MAN2B2: variants seen among roughly 807,000 people sequenced by gnomAD.
MAN2B2 encodes epididymis-specific alpha-mannosidase.
In MAN2B2, 106 loss-of-function variants were observed where a neutral mutation model predicts 117.1. That is an observed-to-expected ratio of 0.90 (90% CI 0.77 to 1.06). MAN2B2 has a LOEUF of 1.06. Ranked by LOEUF, MAN2B2 falls within the 50% of genes least tolerant of loss-of-function variation. The probability of loss-of-function intolerance (pLI) is 0.00; values close to 1 mark genes in which losing one functional copy is unlikely to be tolerated. For missense variants in MAN2B2, 1,326 were observed against 1,381.4 expected, an observed-to-expected ratio of 0.96 and a Z score of 0.64; for synonymous variants, 544 against 595.1, an observed-to-expected ratio of 0.91 and a Z score of 1.25.
chr4:6,607,290 A>G (rs978215843), intron 11 of MAN2B2, among the ~76,000 whole-genome samples: 3 of 152,060 alleles, frequency 2.0e-5, no homozygotes, highest in African/African-American at 7.2e-5. Context: ...TGCAGCCTCA[A>G]CCTCCTCTGG....
intron 4 of MAN2B2, among the ~76,000 whole-genome samples, chr4:6,587,750 GTT>G (rs201846526): frequency 4.4e-5 from 5 of 113,464 alleles, no homozygotes; most frequent in African/African-American, 1.5e-4. Context: ...TTGGGTTGTT[GTT>G]TTTTTTTTTT....
intron 5 of MAN2B2, among the ~76,000 whole-genome samples, chr4:6,589,833 A>T (rs1726787047): frequency 6.6e-6 from 1 of 151,626 alleles, no homozygotes; most frequent in African/African-American, 2.4e-5. Context: ...TAATCCCAGC[A>T]CTTTGGGAGG....
intron 15 of MAN2B2, among the ~76,000 whole-genome samples, chr4:6,612,075 C>T (rs574043359): frequency 3.6e-4 from 55 of 152,366 alleles, no homozygotes; most frequent in African/African-American, 1.3e-3. Flanking sequence ...TTTTTCTACT[C>T]ACCTATGGAG....
At chr4:6,615,375 C>A (rs1711813605) in intron 16 of MAN2B2, among the ~76,000 whole-genome samples, 1 of 152,194 alleles carries the variant, frequency 6.6e-6, no homozygotes, top group African/African-American at 2.4e-5. Context: ...GACTTTGGAG[C>A]TGGAACTCCT....
chr4:6,614,143 T>C (rs1711733838), intron 15 of MAN2B2, 75 bp from the exon 16 acceptor site: 2 of 1,551,782 alleles, frequency 1.3e-6, no homozygotes, highest in Non-Finnish European at 1.8e-6. Flanking sequence ...GGGCATGTAA[T>C]GTGCAGAGCT....
intron 16 of MAN2B2, among the ~76,000 whole-genome samples, chr4:6,615,481 T>C (rs1040375802): frequency 6.6e-6 from 1 of 152,052 alleles, no homozygotes; most frequent in Non-Finnish European, 1.5e-5. Context: ...GAAAACCAGC[T>C]ACCCCATAGC....
Position 6,611,080 on chromosome 4 carries a change from C to A in MAN2B2, c.2371-6C>A. 1 of 1,612,452 alleles carries A rather than the reference C, an allele frequency of 6.2e-7. No homozygotes were observed. The highest frequency in any genetic ancestry group is 8.5e-7 in the Non-Finnish European group (1 of 1,178,788). ...GCCGGGCCTCTCGGACAATGCCTTC[C>A]CGCAGGTCATGCTCCACCGGCGGCT... On this transcript the variant is annotated splice_region_variant and splice_polypyrimidine_tract_variant and intron_variant, in intron 14 of 18. Transcript: ENST00000285599.
At chr4:6,601,561 T>TAGAAGCA (rs1727332223) in intron 10 of MAN2B2, among the ~76,000 whole-genome samples, 1 of 123,696 alleles carries the variant, frequency 8.1e-6, no homozygotes, top group African/African-American at 2.6e-5. Context: ...ACTGGTGAGG[T>TAGAAGCA]GGAAGCAGGG....
intron 7 of MAN2B2, among the ~76,000 whole-genome samples, chr4:6,595,253 G>A (rs1727035051): frequency 6.6e-6 from 1 of 152,212 alleles, no homozygotes; most frequent in Non-Finnish European, 1.5e-5. Context: ...CTGCCTGTGT[G>A]CAAGTCATGA....
At chr4:6,611,392 A>G in intron 15 of MAN2B2, 114 bp downstream of exon 15, 1 of 1,099,422 alleles carries the variant, frequency 9.1e-7, no homozygotes, top group South Asian at 1.6e-5. Context: ...TTGGGCAGGA[A>G]GCGACCTCAG....
intron 7 of MAN2B2, among the ~76,000 whole-genome samples, chr4:6,596,216 G>GTGTGGGTGGGCGTGGTGTC (rs1224448588): frequency 6.6e-6 from 1 of 152,072 alleles, no homozygotes; most frequent in Non-Finnish European, 1.5e-5. Context: ...ATCCAGGCGG[G>GTGTGGGTGGGCGTGGTGTC]CATGGTATCG....
At chr4:6,606,480 T>TC (rs1295525683) in intron 11 of MAN2B2, among the ~76,000 whole-genome samples, 2 of 152,184 alleles carry the variant, frequency 1.3e-5, no homozygotes, top group Non-Finnish European at 2.9e-5. Context: ...CCCTGTCCGT[T>TC]CCTCACTCAG....
intron 3 of MAN2B2, among the ~76,000 whole-genome samples, chr4:6,584,201 T>C (rs1254211650): frequency 1.3e-5 from 2 of 152,222 alleles, no homozygotes; most frequent in Admixed American, 6.5e-5. Flanking sequence ...CTCATGCTTG[T>C]CTAACTACCT....
chr4:6,609,522 C>A (rs1334244096), intron 12 of MAN2B2: 3 of 628,556 alleles, frequency 4.8e-6, no homozygotes, highest in East Asian at 5.5e-5. Flanking sequence ...GGGAGAGAGA[C>A]CCACAGACCC....
chr4:6,577,423 G>T (rs115762287), intron 2 of MAN2B2, among the ~76,000 whole-genome samples: 3 of 152,190 alleles, frequency 2.0e-5, no homozygotes, highest in African/African-American at 7.2e-5. Context: ...TAAAGTTCAG[G>T]GACGCCAAGT....
In MAN2B2 at chr4:6,604,384, A is replaced by G. The variant is rs1445617094; in HGVS notation, c.1540-671A>G. On this transcript the variant is annotated intron_variant, in intron 10 of 18. Coordinates refer to ENST00000285599, the MANE Select transcript of MAN2B2 (RefSeq NM_015274.3). ...GGCCACAGCAGCTGTGACCAGGCAGAGGCCACAGGGAAGGGAGATGAAAGG... is the reference window on the plus strand; with the variant it reads ...GGCCACAGCAGCTGTGACCAGGCAGGGGCCACAGGGAAGGGAGATGAAAGG... 2.1e-5 allele frequency among the ~76,000 whole-genome samples: 3 copies of G among 143,202 alleles called. No individual in the cohort carries two copies. The East Asian group carries it at 6.4e-4, about 31-fold the overall frequency. The allele number at this position is 143,202 out of a possible 152,430, so 93.9% of individuals were successfully genotyped here. A position where few individuals can be genotyped will look rare whatever the true frequency, so the allele number is the denominator to read the frequency against.
At chr4:6,612,258 A>G (rs1711605141) in intron 15 of MAN2B2, among the ~76,000 whole-genome samples, 1 of 151,686 alleles carries the variant, frequency 6.6e-6, no homozygotes. Context: ...CGGACCCAGG[A>G]GAGTTTTCCT....
chr4:6,593,397 C>A, intron 6 of MAN2B2, 47 bp downstream of exon 6: 1 of 1,561,152 alleles, frequency 6.4e-7, no homozygotes, highest in Non-Finnish European at 8.7e-7. Flanking sequence ...GCCCAAGGAG[C>A]ACTATGCAAG....
At chr4:6,575,591 C>T (rs1206328667) in intron 1 of MAN2B2, among the ~76,000 whole-genome samples, 1 of 152,198 alleles carries the variant, frequency 6.6e-6, no homozygotes, top group Non-Finnish European at 1.5e-5. Context: ...GCATTCCCGG[C>T]TGGGGAGGGG....
Sources: allele counts gnomAD v4.1 joint callset (sites outside exome capture counted in the v4.1 genomes callset), GRCh38; gene constraint gnomAD v4.1.1; transcripts MANE v1.5; gene names NCBI Gene and HGNC (gene_info 2026-07-23, HGNC 2026-07-21).